The following NTS variants were observed in gnomAD, a reference collection of about 807,000 sequenced individuals.
The protein encoded by NTS is neurotensin.
A neutral mutation model predicts 19.5 loss-of-function variants in NTS; 20 were observed. That is an observed-to-expected ratio of 1.02 (90% CI 0.72 to 1.49). The LOEUF is 1.49. Among genes scored for constraint, NTS ranks in the 40% most tolerant of loss-of-function variants. The probability of loss-of-function intolerance (pLI) is 0.00; values close to 1 mark genes in which losing one functional copy is unlikely to be tolerated. For missense variants in NTS, 215 were observed against 193.1 expected (o/e 1.11, Z -0.67); for synonymous variants, 71 against 63.3 (o/e 1.12, Z -0.58).
In NTS at chr12:85,882,261, A is replaced by C; in HGVS notation, c.399A>C (p.Lys133Asn). 6.2e-7 allele frequency: 1 copy of C among 1,605,320 alleles called. No individual in the cohort carries two copies. The change falls in exon 4 of 4, where the codon AAA becomes AAC. Residue 133 changes from lysine to asparagine, a missense_variant. By Grantham distance (94) the Lys-to-Asn change is moderately conservative (BLOSUM62 0). Transcript: ENST00000256010. ...QEDILDTGND[K>N]NGKEEVIKRK... ...ATATTCTTGATACTGGAAATGACAA[A>C]AATGGAAAGGAAGAAGTCATAAAGA...
At chr12:85,879,988 C>T (rs934515899) in intron 3 of NTS, among the ~76,000 whole-genome samples, 3 of 148,652 alleles carry the variant, frequency 2.0e-5, no homozygotes, top group Non-Finnish European at 4.5e-5. Flanking sequence ...TGGCAAGAAC[C>T]GTAATTACTT....
chr12:85,882,518 A>G lies in NTS; in HGVS notation c.*143A>G, dbSNP rs2136595580. 1.6e-6 allele frequency: 1 copy of G among 634,764 alleles called. No homozygotes were observed. The highest frequency in any genetic ancestry group is 2.9e-5 in the East Asian group (1 of 34,480). 39.3% of individuals were successfully genotyped at this position (634,764 alleles called of 1,614,324 possible). Reference sequence around the variant, plus strand: ...TTATTGAATGTGATTTTTCTGCACTAATATAAATTAGACTAAGTGTTTTCA... The same window carrying G: ...TTATTGAATGTGATTTTTCTGCACTGATATAAATTAGACTAAGTGTTTTCA... On this transcript the variant is annotated 3_prime_UTR_variant, in exon 4 of 4. Coordinates refer to ENST00000256010, the MANE Select transcript of NTS (RefSeq NM_006183.5).
intron 2 of NTS, chr12:85,878,003 G>A (rs1881385174): frequency 6.2e-6 from 1 of 160,502 alleles, no homozygotes; most frequent in African/African-American, 2.4e-5. Flanking sequence ...AAATGTAATA[G>A]AGACAGAATA....
chr12:85,878,710 A>G, intron 3 of NTS, 141 bp downstream of exon 3: 1 of 484,136 alleles, frequency 2.1e-6, no homozygotes, highest in South Asian at 6.0e-5. Context: ...TTTGAAGTCA[A>G]CATTGCTTCA....
In NTS at chr12:85,878,418, G is replaced by C. The variant is rs977111581; in HGVS notation, c.209G>C (p.Ser70Thr). The C allele has an allele frequency of 6.2e-7, 1 of 1,613,468 alleles. No individual in the cohort carries two copies. The change falls in exon 3 of 4, where the codon AGC (serine) becomes ACC (threonine). Residue 70 changes from serine (S) to threonine (T), a missense_variant. Transcript: ENST00000256010. ...NVCSLVNNLNSPAEETGEVHE... is the reference protein window; with the variant it reads ...NVCSLVNNLNTPAEETGEVHE... ...TGCAGTCTTGTAAATAATTTGAACA[G>C]CCCAGCTGAGGAAACAGGAGAAGTT...
chr12:85,876,123 C>A (rs746765168), intron 1 of NTS, among the ~76,000 whole-genome samples: 11 of 151,776 alleles, frequency 7.2e-5, no homozygotes, highest in Admixed American at 4.6e-4. Context: ...ATTCTTTCAA[C>A]GTGTGTTTTG....
chr12:85,874,749 C>T (rs1881300666), intron 1 of NTS, among the ~76,000 whole-genome samples: 1 of 152,046 alleles, frequency 6.6e-6, no homozygotes. Flanking sequence ...GGAAAAAAAC[C>T]CTACAAAACT....
chr12:85,874,711 G>C (rs568174284), intron 1 of NTS, among the ~76,000 whole-genome samples: 1 of 151,920 alleles, frequency 6.6e-6, no homozygotes, highest in East Asian at 1.9e-4. Flanking sequence ...AACACTGCAC[G>C]ACCTCCTTTG....
chr12:85,874,761 T>C (rs1881300872), intron 1 of NTS, among the ~76,000 whole-genome samples: 1 of 152,128 alleles, frequency 6.6e-6, no homozygotes, highest in South Asian at 2.1e-4. Flanking sequence ...TACAAAACTT[T>C]CAATTAGGCT....
At chr12:85,882,129 G>C in intron 3 of NTS, 94 bp from the exon 4 acceptor site, 1 of 1,009,052 alleles carries the variant, frequency 9.9e-7, no homozygotes, top group Non-Finnish European at 1.5e-6. Flanking sequence ...ATGTCTTGCT[G>C]TCTTAACAGC....
chr12:85,881,121 G>A (rs910108864), intron 3 of NTS, among the ~76,000 whole-genome samples: 5 of 152,086 alleles, frequency 3.3e-5, no homozygotes, highest in African/African-American at 1.2e-4. Context: ...ATGTTATTGA[G>A]TGATTTAAAA....
intron 2 of NTS, 21 bp from the exon 3 acceptor site, chr12:85,878,324 G>C: frequency 6.6e-7 from 1 of 1,518,500 alleles, no homozygotes; most frequent in Non-Finnish European, 8.9e-7. Flanking sequence ...TAATTGCAGG[G>C]GTTTTTTTAA....
At position 85,878,399 on chromosome 12, in the gene NTS, C is replaced by A. The variant is rs142266362; in HGVS notation, c.190C>A (p.Leu64Ile). The A allele has an allele frequency of 8.0e-4, 1,283 of 1,612,982 alleles. No homozygotes were observed. The highest frequency in any genetic ancestry group is 9.8e-4 in the Non-Finnish European group (1,158 of 1,179,448). ...GATGACTCTGCTAAATGTTTGCAGT[C>A]TTGTAAATAATTTGAACAGCCCAGC... ...WKMTLLNVCS[L>I]VNNLNSPAEE... Residue 64 changes from leucine (L) to isoleucine (I), a missense_variant, in exon 3 of 4, where the codon CTT becomes ATT. Transcript: ENST00000256010.
rs1421679874 is a variant in NTS, at chr12:85,882,429, T to C, written c.*54T>C. 7.8e-7 allele frequency: 1 copy of C among 1,275,556 alleles called. No homozygotes were observed. Among genetic ancestry groups the C allele is most frequent in the African/African-American group, 1.5e-5 (1 of 65,500 alleles). 79.0% of individuals were successfully genotyped at this position (1,275,556 alleles called of 1,614,324 possible). On this transcript the variant is annotated 3_prime_UTR_variant, in exon 4 of 4. Coordinates refer to ENST00000256010, the MANE Select transcript of NTS (RefSeq NM_006183.5). The stretch of plus-strand genomic sequence containing the variant: ...TGTGATTCATCATCCCTTAATTAAA[T>C]ATCAAATTATATTTGTGTGAAAATG...
chr12:85,876,509 C>T (rs1881347691), intron 1 of NTS, 131 bp from the exon 2 acceptor site: 1 of 460,090 alleles, frequency 2.2e-6, no homozygotes, highest in African/African-American at 2.0e-5. Flanking sequence ...TTTAGGATTA[C>T]TATTTTTAAG....
intron 3 of NTS, among the ~76,000 whole-genome samples, chr12:85,879,535 A>T (rs1881445171): frequency 9.3e-6 from 1 of 107,876 alleles, no homozygotes; most frequent in African/African-American, 4.0e-5. Flanking sequence ...ATGTATATAA[A>T]ATATATTTTT....
Position 85,882,381 on chromosome 12 carries a change from T to A in NTS, c.*6T>A, listed in dbSNP as rs1017318422. 10 of 1,533,538 alleles carry A rather than the reference T, an allele frequency of 6.5e-6. No individual in the cohort carries two copies. The highest frequency in any genetic ancestry group is 6.1e-6 in the Non-Finnish European group (7 of 1,141,550). 95.0% of individuals were successfully genotyped at this position (1,533,538 alleles called of 1,614,324 possible). On this transcript the variant is annotated 3_prime_UTR_variant, in exon 4 of 4. Transcript: ENST00000256010. ...GAGATTCTTACTATTACTGAGAGAA[T>A]AAATCATTTATTTACATGTGATTGT... is the stretch of plus-strand genomic sequence containing the variant.
At chr12:85,875,902 A>G (rs1881330651) in intron 1 of NTS, among the ~76,000 whole-genome samples, 1 of 151,898 alleles carries the variant, frequency 6.6e-6, no homozygotes, top group Non-Finnish European at 1.5e-5. Context: ...CTTTATTTTT[A>G]TTATTGTATA....
chr12:85,882,059 C>T (rs1019562405), intron 3 of NTS, among the ~76,000 whole-genome samples, 164 bp from the exon 4 acceptor site: 3 of 151,246 alleles, frequency 2.0e-5, no homozygotes, highest in African/African-American at 7.3e-5. Flanking sequence ...ACTGAATGGC[C>T]GTCTCTCCTT....
Sources: gnomAD v4.1 joint callset for allele counts (sites outside exome capture counted in the v4.1 genomes callset) on GRCh38, gnomAD v4.1.1 for gene constraint, MANE v1.5 for transcripts, NCBI Gene and HGNC (gene_info 2026-07-23, HGNC 2026-07-21) for gene names.